Variants in SHLD1 observed in about 807,000 individuals in gnomAD.
SHLD1 encodes shieldin complex subunit 1.
SHLD1 carries 3 observed loss-of-function variants against 5.5 expected under a neutral mutation model. That is an observed-to-expected ratio of 0.54 (90% CI 0.25 to 1.40). The LOEUF (loss-of-function observed/expected upper bound fraction) is 1.40. SHLD1 is among the 40% of genes most tolerant of loss of function. The probability of loss-of-function intolerance (pLI) is 0.15; values close to 1 mark genes in which losing one functional copy is unlikely to be tolerated. For synonymous variants in SHLD1, 92 were observed against 94.3 expected, an observed-to-expected ratio of 0.98 and a Z score of 0.14; for missense variants, 210 against 244.4, an observed-to-expected ratio of 0.86 and a Z score of 0.94.
intron 2 of SHLD1, among the ~76,000 whole-genome samples, chr20:5,810,814 C>T (rs914493487): frequency 4.6e-5 from 7 of 150,802 alleles, no homozygotes; most frequent in Non-Finnish European, 7.4e-5. Flanking sequence ...GCAGGAGAAT[C>T]GCTTGAACCC....
At chr20:5,827,289 A>G (rs1432350624) in intron 2 of SHLD1, among the ~76,000 whole-genome samples, 1 of 152,062 alleles carries the variant, frequency 6.6e-6, no homozygotes, top group African/African-American at 2.4e-5. Flanking sequence ...AAATAGTCCA[A>G]CCTTGCCTCC....
In SHLD1 at chr20:5,863,347, C is replaced by A; in HGVS notation, c.502C>A (p.His168Asn). Residue 168 changes from histidine (H) to asparagine (N), a missense_variant, in exon 3 of 3, where the codon CAC becomes AAC. Transcript: ENST00000303142. ...SVLQRHSRDT[H>N]FYPLEEGSTS... ...CTTACAGAGGCATTCCAGGGACACC[C>A]ACTTCTACCCACTGGAGGAAGGAAG... 8 of 1,614,236 alleles carry A rather than the reference C, an allele frequency of 5.0e-6. No individual in the cohort carries two copies. Among genetic ancestry groups the A allele is most frequent in the Non-Finnish European group, 5.9e-6 (7 of 1,180,036 alleles).
At chr20:5,772,617 T>G (rs1985226857) in intron 1 of SHLD1, among the ~76,000 whole-genome samples, 1 of 152,126 alleles carries the variant, frequency 6.6e-6, no homozygotes, top group Non-Finnish European at 1.5e-5. Flanking sequence ...TTGTTTGACC[T>G]TTAAAATTTT....
intron 2 of SHLD1, among the ~76,000 whole-genome samples, chr20:5,846,728 C>T (rs2087937125): frequency 6.6e-6 from 1 of 152,172 alleles, no homozygotes; most frequent in African/African-American, 2.4e-5. Context: ...TGGACGGGAT[C>T]GGGGGAACCA....
intron 2 of SHLD1, among the ~76,000 whole-genome samples, chr20:5,817,698 G>C (rs2087554780): frequency 1.1e-5 from 1 of 89,010 alleles, no homozygotes; most frequent in South Asian, 3.4e-4. Context: ...CAGCTCCCCT[G>C]GCTGTGCCTG....
At chr20:5,802,312 C>G (rs1568509849) in intron 2 of SHLD1, among the ~76,000 whole-genome samples, 1 of 152,174 alleles carries the variant, frequency 6.6e-6, no homozygotes. Flanking sequence ...CTGTTGGTGG[C>G]CTCTATCTGG....
chr20:5,822,905 G>T (rs551676980), intron 2 of SHLD1, among the ~76,000 whole-genome samples: 1 of 151,858 alleles, frequency 6.6e-6, no homozygotes, highest in South Asian at 2.1e-4. Context: ...TATGAAAGAT[G>T]TGTCTTATTT....
intron 1 of SHLD1, 43 bp downstream of exon 1, chr20:5,750,522 C>CG: frequency 1.9e-5 from 1 of 52,480 alleles, no homozygotes; most frequent in East Asian, 5.1e-4. Flanking sequence ...GTGGTGGGGG[C>CG]GGGGGTCACA....
In SHLD1 at chr20:5,790,635, G is replaced by T. The variant is rs192883749; in HGVS notation, c.178+17592G>T. Among the ~76,000 whole-genome samples the T allele has an allele frequency of 5.9e-3, 895 of 151,898 alleles. 9 individuals are homozygous for T. The highest frequency in any genetic ancestry group is 0.021 in the African/African-American group (868 of 41,450). ...GCCCGGCTATTTTTTTGTATTTTTA[G>T]TAGAGACGGGGTTTCACCGTGTTGG... On this transcript the variant is annotated intron_variant, in intron 2 of 2. Transcript: ENST00000303142.
At chr20:5,843,630 A>C (rs544106829) in intron 2 of SHLD1, among the ~76,000 whole-genome samples, 1 of 152,064 alleles carries the variant, frequency 6.6e-6, no homozygotes, top group Admixed American at 6.6e-5. Flanking sequence ...CAGAACTTCT[A>C]TTCTCATTTT....
intron 2 of SHLD1, among the ~76,000 whole-genome samples, chr20:5,834,352 T>C (rs2087765212): frequency 6.6e-6 from 1 of 152,236 alleles, no homozygotes; most frequent in Admixed American, 6.5e-5. Context: ...GTGACTTTTA[T>C]GCAGAAGAAC....
At chr20:5,833,442 C>T (rs1004679571) in intron 2 of SHLD1, among the ~76,000 whole-genome samples, 1 of 152,164 alleles carries the variant, frequency 6.6e-6, no homozygotes, top group East Asian at 1.9e-4. Context: ...ACTGTTTCTC[C>T]TGACCTTTAA....
chr20:5,800,676 A>G (rs1367133883), intron 2 of SHLD1, among the ~76,000 whole-genome samples: 1 of 112,510 alleles, frequency 8.9e-6, no homozygotes, highest in Non-Finnish European at 1.8e-5. Flanking sequence ...CAACAGACCG[A>G]GACTGTCTCA....
chr20:5,800,394 T>A (rs1195564510), intron 2 of SHLD1, among the ~76,000 whole-genome samples: 1 of 152,244 alleles, frequency 6.6e-6, no homozygotes, highest in African/African-American at 2.4e-5. Flanking sequence ...TTATTTTTTG[T>A]ATTTAAATAA....
At chr20:5,809,251 C>T (rs1220585525) in intron 2 of SHLD1, among the ~76,000 whole-genome samples, 2 of 152,034 alleles carry the variant, frequency 1.3e-5, no homozygotes, top group Non-Finnish European at 2.9e-5. Context: ...ATAAGAAACT[C>T]ATTTTAATTC....
intron 2 of SHLD1, among the ~76,000 whole-genome samples, chr20:5,844,799 A>ATTTTTT (rs1161478171): frequency 3.2e-4 from 23 of 71,718 alleles, no homozygotes; most frequent in South Asian, 2.5e-3. Context: ...ATATATATAT[A>ATTTTTT]TTTTTTTTTT....
rs148472149 is a variant in SHLD1, at chr20:5,759,423, A to T, written c.-5+8944A>T. ...TATGGGTGTCCACAACCACGCCCAG[A>T]TAATTTTTTGTATTTTTACTAGAGA... On this transcript the variant is annotated intron_variant, in intron 1 of 2. Transcript: ENST00000303142. 1.9e-3 allele frequency among the ~76,000 whole-genome samples: 295 copies of T among 151,942 alleles called. 1 individual carries two copies. The highest frequency in any genetic ancestry group is 1.5e-3 in the Non-Finnish European group (104 of 67,984).
chr20:5,847,902 A>G (rs2087951041), intron 2 of SHLD1, among the ~76,000 whole-genome samples: 1 of 152,212 alleles, frequency 6.6e-6, no homozygotes, highest in Non-Finnish European at 1.5e-5. Flanking sequence ...TTCCGGAGAA[A>G]GTCTCCTGAT....
intron 1 of SHLD1, among the ~76,000 whole-genome samples, chr20:5,762,700 C>T (rs992473409): frequency 2.0e-5 from 3 of 151,884 alleles, no homozygotes; most frequent in Non-Finnish European, 2.9e-5. Flanking sequence ...ACAGGCCAGG[C>T]GTGGTGGCTC....
Sources: gnomAD v4.1 joint callset for allele counts (sites outside exome capture counted in the v4.1 genomes callset) on GRCh38, gnomAD v4.1.1 for gene constraint, MANE v1.5 for transcripts, NCBI Gene and HGNC (gene_info 2026-07-23, HGNC 2026-07-21) for gene names.